The following SETD3 variants were observed in gnomAD, a reference collection of about 807,000 sequenced individuals.
SETD3 encodes actin-histidine N-methyltransferase.
SETD3 carries 19 observed loss-of-function variants against 63.0 expected under a neutral mutation model. That is an observed-to-expected ratio of 0.30 (90% CI 0.21 to 0.44). The LOEUF is 0.44. Ranked by LOEUF, SETD3 falls within the 20% of genes least tolerant of loss-of-function variation. The pLI is 1.00. For missense variants in SETD3, 587 were observed against 728.5 expected (o/e 0.81, Z 2.24); for synonymous variants, 286 against 264.1 (o/e 1.08, Z -0.80).
upstream of SETD3, among the ~76,000 whole-genome samples, chr14:99,482,687 T>C (rs956106786): frequency 1.3e-5 from 2 of 152,242 alleles, no homozygotes; most frequent in African/African-American, 4.8e-5. Flanking sequence ...TTTGTTCCAT[T>C]TTGAAAATGT....
At chr14:99,480,582 G>C (rs990120490) in intron 1 of SETD3, 146 bp downstream of exon 1, 2 of 150,908 alleles carry the variant, frequency 1.3e-5, no homozygotes, top group Non-Finnish European at 3.0e-5. Flanking sequence ...GGCCACAGCG[G>C]CCGGCGGGGA....
chr14:99,402,549 TG>T (rs1283810562), intron 11 of SETD3, among the ~76,000 whole-genome samples: 1 of 152,064 alleles, frequency 6.6e-6, no homozygotes, highest in African/African-American at 2.4e-5. Context: ...CCCAAAGTGC[TG>T]GGATTACAGG....
intron 6 of SETD3, among the ~76,000 whole-genome samples, chr14:99,418,199 G>A (rs909524343): frequency 6.6e-6 from 1 of 152,152 alleles, no homozygotes; most frequent in African/African-American, 2.4e-5. Context: ...CCTGTTTGAT[G>A]ACTATAGTAT....
In SETD3 at chr14:99,398,853, G is replaced by A. The variant is rs943567177; in HGVS notation, c.1611C>T (p.Asn537=). 1.9e-6 allele frequency: 3 copies of A among 1,614,204 alleles called. No individual in the cohort carries two copies. Among genetic ancestry groups the A allele is most frequent in the Non-Finnish European group, 2.5e-6 (3 of 1,180,054 alleles). ...TTGCTTTGCTGATTGCCTCTCTGAT[G>A]TTCAAGGCATCCTGCACTCCAGCCT... ...EEEAGVQDAL[N]IREAISKAKA... is the part of the protein sequence containing the mutation. The change falls in exon 13 of 13, where the codon AAC becomes AAT. Residue 537 remains asparagine, a synonymous_variant. Coordinates refer to ENST00000331768, the MANE Select transcript of SETD3 (RefSeq NM_032233.3).
At chr14:99,460,163 T>TA (rs1894990617) in intron 4 of SETD3, among the ~76,000 whole-genome samples, 1 of 52,346 alleles carries the variant, frequency 1.9e-5, no homozygotes, top group East Asian at 1.0e-3. Context: ...AAGAGACTGG[T>TA]TTTTTTGGAA....
upstream of SETD3, among the ~76,000 whole-genome samples, chr14:99,485,256 G>T (rs542441182): frequency 1.8e-4 from 27 of 152,252 alleles, no homozygotes; most frequent in African/African-American, 6.5e-4. Context: ...CGATTTATCC[G>T]CTTGTGGACC....
intron 2 of SETD3, among the ~76,000 whole-genome samples, chr14:99,465,266 G>A (rs1462987596): frequency 1.3e-5 from 2 of 152,212 alleles, no homozygotes; most frequent in Non-Finnish European, 2.9e-5. Flanking sequence ...CCAACAGCCC[G>A]TGAAGTACCT....
chr14:99,458,251 T>G (rs759115845), intron 6 of SETD3, 28 bp downstream of exon 6: 1 of 1,598,324 alleles, frequency 6.3e-7, no homozygotes, highest in Non-Finnish European at 8.6e-7. Context: ...CTGTGAAATA[T>G]ATACTTAAAT....
chr14:99,411,793 G>A (rs1460739306), intron 8 of SETD3: 1 of 152,084 alleles, frequency 6.6e-6, no homozygotes, highest in Non-Finnish European at 1.5e-5. Flanking sequence ...ATGCTATTAT[G>A]TTTTAGTATT....
chr14:99,406,437 C>T, intron 9 of SETD3, 79 bp downstream of exon 9: 1 of 1,335,242 alleles, frequency 7.5e-7, no homozygotes, highest in Non-Finnish European at 1.1e-6. Context: ...AGTTAAGTTC[C>T]TTTTTAAGAT....
At chr14:99,426,428 G>C (rs1449343054) in intron 6 of SETD3, among the ~76,000 whole-genome samples, 2 of 152,190 alleles carry the variant, frequency 1.3e-5, no homozygotes, top group Admixed American at 1.3e-4. Context: ...CTGACAAATA[G>C]TCACAAACAG....
Position 99,480,245 on chromosome 14 carries a change from G to A in SETD3, c.-9+483C>T, listed in dbSNP as rs917855825. Among the ~76,000 whole-genome samples the A allele has an allele frequency of 6.6e-4, 101 of 152,200 alleles. No individual in the cohort carries two copies. The Middle Eastern group carries it at 0.014, about 21-fold the overall frequency. On this transcript the variant is annotated intron_variant, in intron 1 of 12. Transcript: ENST00000331768. The stretch of plus-strand genomic sequence containing the variant: ...AGCCTTCCCCGAGCAGCGGGGTGAC[G>A]GGAGGAAGGAAGGAAATGGGAGCGC...
chr14:99,486,416 C>T, the SETD3 span, among the ~76,000 whole-genome samples: 1 of 152,188 alleles, frequency 6.6e-6, no homozygotes, highest in East Asian at 1.9e-4. Context: ...TACCCAGACC[C>T]CTTCCTTCTT....
intron 2 of SETD3, among the ~76,000 whole-genome samples, chr14:99,464,924 C>T (rs1041605457): frequency 6.6e-6 from 1 of 152,160 alleles, no homozygotes; most frequent in African/African-American, 2.4e-5. Context: ...GGGAGGATCT[C>T]TCGAGCCCAA....
upstream of SETD3, among the ~76,000 whole-genome samples, chr14:99,485,742 C>A (rs531391410): frequency 6.6e-6 from 1 of 152,270 alleles, no homozygotes; most frequent in South Asian, 2.1e-4. Flanking sequence ...TGCCTGTAAT[C>A]CCAGCTACTC....
At chr14:99,445,772 T>C (rs1240130447) in intron 6 of SETD3, among the ~76,000 whole-genome samples, 4 of 152,170 alleles carry the variant, frequency 2.6e-5, no homozygotes, top group African/African-American at 9.7e-5. Context: ...TCTTCTATCA[T>C]ACACATTAAA....
chr14:99,443,939 A>C (rs1893983638), intron 6 of SETD3, among the ~76,000 whole-genome samples: 1 of 152,204 alleles, frequency 6.6e-6, no homozygotes, highest in African/African-American at 2.4e-5. Context: ...CTGAGTACAC[A>C]GCTCCTGCAT....
chr14:99,481,639 C>T (rs577715799), upstream of SETD3: 2 of 390,622 alleles, frequency 5.1e-6, no homozygotes, highest in South Asian at 1.4e-4. Context: ...TTGCGGGCGA[C>T]GCGGGGTTGT....
intron 4 of SETD3, among the ~76,000 whole-genome samples, 166 bp downstream of exon 4, chr14:99,461,026 G>T (rs969103038): frequency 6.6e-6 from 1 of 152,152 alleles, no homozygotes; most frequent in Non-Finnish European, 1.5e-5. Context: ...AAGGTGGGAG[G>T]AGCTGCTTAG....
Sources: gnomAD v4.1 joint callset for allele counts (sites outside exome capture counted in the v4.1 genomes callset) on GRCh38, gnomAD v4.1.1 for gene constraint, MANE v1.5 for transcripts, NCBI Gene and HGNC (gene_info 2026-07-23, HGNC 2026-07-21) for gene names.